RIMS1: variants seen among roughly 807,000 people sequenced by gnomAD.
The protein encoded by RIMS1 is regulating synaptic membrane exocytosis protein 1.
A neutral mutation model predicts 214.1 loss-of-function variants in RIMS1; 83 were observed. The observed-to-expected ratio is 0.39, with a 90% CI of 0.32 to 0.47. The LOEUF (loss-of-function observed/expected upper bound fraction) is 0.47, where lower values mean the gene tolerates loss of function less well. Ranked by LOEUF, RIMS1 falls within the 20% of genes least tolerant of loss-of-function variation. The probability of loss-of-function intolerance (pLI) is 0.99; values close to 1 mark genes in which losing one functional copy is unlikely to be tolerated. For missense variants in RIMS1, 2,050 were observed against 2,161.8 expected, an observed-to-expected ratio of 0.95 and a Z score of 1.03; for synonymous variants, 793 against 786.8, an observed-to-expected ratio of 1.01 and a Z score of -0.13.
intron 6 of RIMS1, among the ~76,000 whole-genome samples, chr6:72,224,958 G>A (rs1273037492): frequency 6.6e-6 from 1 of 152,108 alleles, no homozygotes; most frequent in Non-Finnish European, 1.5e-5. Flanking sequence ...ACAACAATGC[G>A]AAGGCATAAA....
At chr6:72,225,403 G>T (rs2059893891) in intron 6 of RIMS1, among the ~76,000 whole-genome samples, 1 of 151,772 alleles carries the variant, frequency 6.6e-6, no homozygotes, top group South Asian at 2.1e-4. Context: ...CTTGTCTTTG[G>T]GATATAGAGG....
intron 2 of RIMS1, among the ~76,000 whole-genome samples, chr6:72,064,802 G>A (rs1043740779): frequency 4.6e-5 from 7 of 152,288 alleles, no homozygotes; most frequent in African/African-American, 9.6e-5. Flanking sequence ...ATACAGGTGC[G>A]GGGTTCTGTT....
At chr6:72,084,986 T>G (rs989170160) in intron 2 of RIMS1, among the ~76,000 whole-genome samples, 1 of 152,198 alleles carries the variant, frequency 6.6e-6, no homozygotes, top group Non-Finnish European at 1.5e-5. Context: ...TGCAACATTT[T>G]ATAAATTTTT....
chr6:72,320,712 G>A (rs2096101110), intron 28 of RIMS1, among the ~76,000 whole-genome samples: 1 of 151,926 alleles, frequency 6.6e-6, no homozygotes, highest in African/African-American at 2.4e-5. Context: ...CTTGGTATAT[G>A]AGATAAATAC....
At chr6:72,181,194 T>C (rs139579610) in intron 5 of RIMS1, among the ~76,000 whole-genome samples, 1 of 152,318 alleles carries the variant, frequency 6.6e-6, no homozygotes, top group East Asian at 1.9e-4. Flanking sequence ...ATGTATAGTA[T>C]TTTGAGAGCC....
At position 72,333,763 on chromosome 6, in the gene RIMS1, T is replaced by C; in HGVS notation, c.4294T>C (p.Ser1432Pro). ...TGGAGCAGGTGGAAAGAAACGGAGA[T>C]CCAGCCTTAGTGCCAAAGTGGTTGC... ...TVGAGGKKRR[S>P]SLSAKVVAIV... Residue 1432 changes from serine to proline, a missense_variant, in exon 29 of 34, where the codon TCC (serine) becomes CCC (proline). Physicochemically the swap from Ser to Pro is moderately conservative, Grantham distance 74. This residue lies in a region of RIMS1 where 889 missense variants were observed against 885.5 expected (regional missense o/e 1.00). Coordinates refer to ENST00000521978, the MANE Select transcript of RIMS1 (RefSeq NM_014989.7). 6.3e-7 allele frequency: 1 copy of C among 1,599,396 alleles called. No individual in the cohort carries two copies. Among genetic ancestry groups the C allele is most frequent in the Non-Finnish European group, 8.5e-7 (1 of 1,172,912 alleles).
intron 2 of RIMS1, among the ~76,000 whole-genome samples, chr6:71,985,323 C>T (rs966300689): frequency 5.3e-5 from 8 of 152,026 alleles, no homozygotes; most frequent in South Asian, 2.1e-4. Context: ...CCCAGGAGTT[C>T]AAGGTTATAG....
At chr6:72,159,149 T>A (rs1206475509) in intron 4 of RIMS1, among the ~76,000 whole-genome samples, 1 of 141,242 alleles carries the variant, frequency 7.1e-6, no homozygotes. Context: ...TGATGGCCAG[T>A]GATGTTGAGC....
chr6:72,124,345 G>C lies in RIMS1; in HGVS notation c.471+24359G>C, dbSNP rs371327781. Among the ~76,000 whole-genome samples the C allele has an allele frequency of 4.6e-5, 7 of 152,024 alleles. No individual in the cohort carries two copies. The South Asian group carries it at 6.2e-4, about 14-fold the overall frequency. Reference sequence around the variant, plus strand: ...TAGAGTTTCTGCTGAGAGATCCACTGTTAGTCTAATGGGCTTCCCTTTGTG... The same window carrying C: ...TAGAGTTTCTGCTGAGAGATCCACTCTTAGTCTAATGGGCTTCCCTTTGTG... On this transcript the variant is annotated intron_variant, in intron 4 of 33. Transcript: ENST00000521978.
intron 4 of RIMS1, among the ~76,000 whole-genome samples, chr6:72,177,035 A>G (rs769672914): frequency 3.9e-5 from 6 of 152,218 alleles, no homozygotes; most frequent in Non-Finnish European, 5.9e-5. Flanking sequence ...TAAGATTGTG[A>G]TAATAATTTC....
At chr6:72,242,013 G>A (rs2067157583) in intron 9 of RIMS1, among the ~76,000 whole-genome samples, 1 of 152,020 alleles carries the variant, frequency 6.6e-6, no homozygotes, top group African/African-American at 2.4e-5. Context: ...CCATCCCATA[G>A]CATGAGATTA....
chr6:71,958,867 A>G (rs1452197952), intron 1 of RIMS1, among the ~76,000 whole-genome samples: 1 of 152,126 alleles, frequency 6.6e-6, no homozygotes, highest in Non-Finnish European at 1.5e-5. Context: ...CTATTCATCC[A>G]TTTTTCCCTA....
chr6:71,927,284 G>A (rs916400645), intron 1 of RIMS1, among the ~76,000 whole-genome samples: 3 of 152,132 alleles, frequency 2.0e-5, no homozygotes, highest in African/African-American at 7.2e-5. Context: ...GAGTTACTCT[G>A]AAGGATAAAG....
At chr6:71,942,354 G>A (rs1786419757) in intron 1 of RIMS1, among the ~76,000 whole-genome samples, 1 of 152,132 alleles carries the variant, frequency 6.6e-6, no homozygotes, top group Admixed American at 6.5e-5. Flanking sequence ...GGTTGTAAAT[G>A]ACACCTAAAA....
chr6:72,066,265 CT>C (rs1337408215), intron 2 of RIMS1, among the ~76,000 whole-genome samples: 1 of 152,170 alleles, frequency 6.6e-6, no homozygotes, highest in Non-Finnish European at 1.5e-5. Context: ...TTCTTCGTTG[CT>C]TTCCAGGTAC....
At chr6:72,265,198 T>G in intron 20 of RIMS1, 146 bp downstream of exon 20, 1 of 623,572 alleles carries the variant, frequency 1.6e-6, no homozygotes, top group Non-Finnish European at 2.7e-6. Context: ...AATTATACAG[T>G]GAGAGACATT....
At chr6:71,973,204 G>A (rs9446522) in intron 2 of RIMS1, among the ~76,000 whole-genome samples, 1,562 of 152,164 alleles carry the variant, frequency 0.01, 33 homozygotes, top group African/African-American at 0.036. Flanking sequence ...CACTGCGCCC[G>A]GACAGTAATA....
chr6:72,222,440 A>G (rs551957041), intron 6 of RIMS1, among the ~76,000 whole-genome samples: 1 of 152,236 alleles, frequency 6.6e-6, no homozygotes, highest in East Asian at 1.9e-4. Context: ...AGAATATGCA[A>G]AGGGATAAGA....
chr6:72,350,238 G>T (rs548207883), intron 29 of RIMS1, among the ~76,000 whole-genome samples: 1 of 152,150 alleles, frequency 6.6e-6, no homozygotes, highest in African/African-American at 2.4e-5. Context: ...TGATGTTGCA[G>T]TAAATGTGTT....
Sources: gnomAD v4.1 joint callset for allele counts (sites outside exome capture counted in the v4.1 genomes callset) on GRCh38, gnomAD v4.1.1 for gene constraint, gnomAD v4.1.1 regional missense constraint, MANE v1.5 for transcripts, NCBI Gene and HGNC (gene_info 2026-07-23, HGNC 2026-07-21) for gene names.